Variants in SLC8A1 observed in about 807,000 individuals in gnomAD.
The protein encoded by SLC8A1 is solute carrier family 8 member A1.
A neutral mutation model predicts 68.3 loss-of-function variants in SLC8A1; 18 were observed. That is an observed-to-expected ratio of 0.26 (90% CI 0.18 to 0.39). SLC8A1 has a LOEUF of 0.39. Ranked by LOEUF, SLC8A1 falls within the 10% of genes least tolerant of loss-of-function variation. SLC8A1 has a pLI of 1.00. For synonymous variants in SLC8A1, 475 were observed against 415.5 expected, an observed-to-expected ratio of 1.14 and a Z score of -1.74; for missense variants, 985 against 1,156.7, an observed-to-expected ratio of 0.85 and a Z score of 2.15.
chr2:40,361,075 G>A (rs1241788391), intron 2 of SLC8A1, among the ~76,000 whole-genome samples: 2 of 152,098 alleles, frequency 1.3e-5, no homozygotes, highest in Non-Finnish European at 1.5e-5. Context: ...AGATAGAGTA[G>A]AGAAAAGAGG....
chr2:40,253,904 T>TTATGGTACAAGAA (rs1480475072), intron 2 of SLC8A1, among the ~76,000 whole-genome samples: 1 of 113,352 alleles, frequency 8.8e-6, no homozygotes, highest in African/African-American at 3.9e-5. Flanking sequence ...AAACGTTGGT[T>TTATGGTACAAGAA]TATGGTACAA....
chr2:40,220,458 G>C (rs1485921059), intron 2 of SLC8A1: 1 of 152,190 alleles, frequency 6.6e-6, no homozygotes, highest in Non-Finnish European at 1.5e-5. Flanking sequence ...CCTAAATTGA[G>C]CGGCCTTTGG....
intron 2 of SLC8A1, among the ~76,000 whole-genome samples, chr2:40,200,192 TTATATATATATATAAATATATA>T (rs1256060543): frequency 1.0e-4 from 1 of 9,616 alleles, no homozygotes; most frequent in Admixed American, 1.4e-3. Context: ...ATATATATAT[TTATATATATATATAAATATATA>T]TATATTTTTT....
chr2:40,312,291 G>T (rs965586888), intron 2 of SLC8A1, among the ~76,000 whole-genome samples: 1 of 152,050 alleles, frequency 6.6e-6, no homozygotes, highest in Non-Finnish European at 1.5e-5. Context: ...AGCTACAATA[G>T]ATCATGATTA....
chr2:40,170,309 C>T (rs137879982), intron 4 of SLC8A1: 27 of 1,614,014 alleles, frequency 1.7e-5, no homozygotes, highest in African/African-American at 8.0e-5. Context: ...TAGAGAGAAT[C>T]GGATGTTCTC....
intron 2 of SLC8A1, among the ~76,000 whole-genome samples, chr2:40,308,006 A>G (rs1315296591): frequency 6.6e-6 from 1 of 152,214 alleles, no homozygotes; most frequent in Non-Finnish European, 1.5e-5. Context: ...AAATACTGAG[A>G]TAATATGAAA....
At chr2:40,240,350 A>T (rs2061046618) in intron 2 of SLC8A1, among the ~76,000 whole-genome samples, 1 of 152,090 alleles carries the variant, frequency 6.6e-6, no homozygotes, top group African/African-American at 2.4e-5. Flanking sequence ...AGGGGTAGAA[A>T]ATACTCTAAC....
intron 6 of SLC8A1, among the ~76,000 whole-genome samples, chr2:40,159,070 C>A (rs962821195): frequency 6.6e-6 from 1 of 152,138 alleles, no homozygotes; most frequent in Non-Finnish European, 1.5e-5. Flanking sequence ...TAAACCACTC[C>A]TCTGCTAGAA....
chr2:40,399,371 T>G (rs997912107), intron 2 of SLC8A1, among the ~76,000 whole-genome samples: 28 of 151,766 alleles, frequency 1.8e-4, no homozygotes, highest in Admixed American at 1.8e-3. Flanking sequence ...TCAGAGAAGT[T>G]TGGGGAAAAA....
At chr2:40,282,444 A>G (rs1281459162) in intron 2 of SLC8A1, among the ~76,000 whole-genome samples, 1 of 152,200 alleles carries the variant, frequency 6.6e-6, no homozygotes, top group African/African-American at 2.4e-5. Context: ...TTACTGATAC[A>G]AAGGATGTCT....
chr2:40,294,822 T>G (rs1222192808), intron 2 of SLC8A1, among the ~76,000 whole-genome samples: 1 of 152,228 alleles, frequency 6.6e-6, no homozygotes, highest in East Asian at 1.9e-4. Context: ...GTTCATAATT[T>G]TGTTTCCTAA....
intron 2 of SLC8A1, among the ~76,000 whole-genome samples, chr2:40,376,150 A>C (rs1345246475): frequency 6.6e-6 from 1 of 152,088 alleles, no homozygotes; most frequent in African/African-American, 2.4e-5. Context: ...CATTCCTCTT[A>C]AGTTTCACTG....
At chr2:40,318,911 C>T (rs1467792420) in intron 2 of SLC8A1, among the ~76,000 whole-genome samples, 1 of 151,974 alleles carries the variant, frequency 6.6e-6, no homozygotes, top group East Asian at 1.9e-4. Context: ...GGTAAAATTG[C>T]TATCTGGGGC....
At chr2:40,129,968 A>G (rs2038990022) in intron 7 of SLC8A1, among the ~76,000 whole-genome samples, 1 of 152,214 alleles carries the variant, frequency 6.6e-6, no homozygotes, top group Non-Finnish European at 1.5e-5. Flanking sequence ...CATGCTGAGC[A>G]TCCCTGCTCC....
At chr2:40,403,409 T>G (rs1052087239) in intron 2 of SLC8A1, among the ~76,000 whole-genome samples, 4 of 152,208 alleles carry the variant, frequency 2.6e-5, no homozygotes, top group Admixed American at 2.6e-4. Flanking sequence ...CCAGCCTCTA[T>G]TCCCCATTCC....
intron 7 of SLC8A1, among the ~76,000 whole-genome samples, chr2:40,133,940 G>A (rs1306739890): frequency 6.6e-6 from 1 of 152,008 alleles, no homozygotes. Flanking sequence ...AAAAGGCTGG[G>A]CTCCAAATGC....
intron 2 of SLC8A1, among the ~76,000 whole-genome samples, chr2:40,405,695 T>C (rs1690119111): frequency 2.0e-5 from 3 of 152,218 alleles, no homozygotes; most frequent in Admixed American, 2.0e-4. Context: ...ACTGACTCAG[T>C]CTTTAATGAT....
At chr2:40,427,635 G>T (rs566877899) in intron 2 of SLC8A1, among the ~76,000 whole-genome samples, 4 of 152,206 alleles carry the variant, frequency 2.6e-5, no homozygotes, top group South Asian at 4.2e-4. Context: ...CTCAGTCGAA[G>T]AATCACTTAA....
At chr2:40,205,094 A>C (rs1043033756) in intron 2 of SLC8A1, among the ~76,000 whole-genome samples, 2 of 152,016 alleles carry the variant, frequency 1.3e-5, no homozygotes, top group Non-Finnish European at 2.9e-5. Context: ...ACAGTGGCCA[A>C]CTTATTTCCT....
Sources: allele counts gnomAD v4.1 joint callset (sites outside exome capture counted in the v4.1 genomes callset), GRCh38; gene constraint gnomAD v4.1.1; transcripts MANE v1.5; gene names NCBI Gene and HGNC (gene_info 2026-07-23, HGNC 2026-07-21).